ITGB3: variants seen among roughly 807,000 people sequenced by gnomAD.
ITGB3 encodes integrin beta-3.
A neutral mutation model predicts 85.8 loss-of-function variants in ITGB3; 48 were observed. The ratio of observed to expected loss-of-function variants is 0.56; its 90% confidence interval spans 0.44 to 0.71. ITGB3 has a LOEUF of 0.71. Among genes scored for constraint, ITGB3 ranks in the 30% least tolerant of loss-of-function variants. The pLI, the probability that ITGB3 is intolerant of heterozygous loss-of-function variation, is 0.00. For synonymous variants in ITGB3, 363 were observed against 395.6 expected (o/e 0.92, Z 0.98); for missense variants, 861 against 1,019.1 (o/e 0.84, Z 2.11).
At chr17:47,255,365 ACT>A (rs2053847546) in intron 1 of ITGB3, among the ~76,000 whole-genome samples, 1 of 151,802 alleles carries the variant, frequency 6.6e-6, no homozygotes, top group African/African-American at 2.4e-5. Context: ...TCCCGTCAAG[ACT>A]CTTCTGTGTA....
intron 1 of ITGB3, among the ~76,000 whole-genome samples, chr17:47,266,936 C>G (rs1408121633): frequency 6.6e-6 from 1 of 152,142 alleles, no homozygotes; most frequent in East Asian, 1.9e-4. Flanking sequence ...ACATTTCACC[C>G]TGGTGTGATA....
chr17:47,288,296 AAGGGCC>A (rs2065111974), intron 6 of ITGB3, among the ~76,000 whole-genome samples: 1 of 152,030 alleles, frequency 6.6e-6, no homozygotes, highest in African/African-American at 2.4e-5. Context: ...GGAAAGATTA[AAGGGCC>A]AGAGTCATTT....
At chr17:47,263,146 C>T (rs779169186) in intron 1 of ITGB3, among the ~76,000 whole-genome samples, 1 of 152,174 alleles carries the variant, frequency 6.6e-6, no homozygotes, top group Non-Finnish European at 1.5e-5. Context: ...TTTCCTGCTG[C>T]TTTGCATGCT....
At position 47,299,329 on chromosome 17, in the gene ITGB3, G is replaced by A. The variant is rs1337992083; in HGVS notation, c.1712G>A (p.Gly571Glu). The A allele has an allele frequency of 6.2e-7, 1 of 1,614,086 alleles. No individual in the cohort carries two copies. Among genetic ancestry groups the A allele is most frequent in the Admixed American group, 1.7e-5 (1 of 60,028 alleles). ...MCSGHGQCSC[G>E]DCLCDSDWTG... is the part of the protein sequence containing the mutation. ...TCAGGCCATGGCCAGTGCAGCTGTG[G>A]GGACTGCCTGTGTGACTCCGACTGG... The change falls in exon 11 of 15, where the codon GGG (glycine) becomes GAG (glutamate). Residue 571 changes from glycine (G) to glutamate (E), a missense_variant. Physicochemically the swap from Gly to Glu is moderately conservative, Grantham distance 98 (BLOSUM62 -2). Transcript: ENST00000559488. The surrounding 1 kb of genome is among the most constrained non-coding windows in gnomAD (Gnocchi z 5.1).
Position 47,270,727 on chromosome 17 carries a change from A to C in ITGB3, c.80-3692A>C, listed in dbSNP as rs529411593. Among the ~76,000 whole-genome samples the C allele has an allele frequency of 1.1e-4, 17 of 152,330 alleles. No homozygotes were observed. The South Asian group carries it at 3.3e-3, about 30-fold the overall frequency. ...AGCCCCAGAGGTTATTCATGGGCTC[A>C]TAAAGGCATCCCACTTGTAGAATTT... On this transcript the variant is annotated intron_variant, in intron 1 of 14. Transcript: ENST00000559488.
chr17:47,269,283 C>G (rs1260042151), intron 1 of ITGB3, among the ~76,000 whole-genome samples: 3 of 152,218 alleles, frequency 2.0e-5, no homozygotes, highest in Non-Finnish European at 1.5e-5. Context: ...CTCCTCGTTA[C>G]TTATTTCTGC....
At chr17:47,273,552 C>T (rs372573429) in intron 1 of ITGB3, among the ~76,000 whole-genome samples, 2 of 152,214 alleles carry the variant, frequency 1.3e-5, no homozygotes, top group East Asian at 3.8e-4. Flanking sequence ...TGCTCCTCCT[C>T]GTAGCCTTTG....
chr17:47,300,004 C>G (rs2065160185), intron 11 of ITGB3, among the ~76,000 whole-genome samples: 1 of 152,216 alleles, frequency 6.6e-6, no homozygotes. Flanking sequence ...AGTGTGCAAC[C>G]TATGCAGCTG....
At position 47,289,358 on chromosome 17, in the gene ITGB3, C is replaced by G. The variant is rs928629454; in HGVS notation, c.940-323C>G. On this transcript the variant is annotated intron_variant, in intron 6 of 14. Transcript: ENST00000559488. ...TTTTTTTTTTAGAGACAGAGTCTTG[C>G]TCTGCTGCCCAGGCTGGAGTGCAGT... Among the ~76,000 whole-genome samples the G allele has an allele frequency of 5.9e-5, 9 of 152,000 alleles. No individual in the cohort carries two copies. The East Asian group carries it at 1.7e-3, about 29-fold the overall frequency.
chr17:47,300,830 C>A (rs532413012), intron 12 of ITGB3, among the ~76,000 whole-genome samples: 2 of 152,270 alleles, frequency 1.3e-5, no homozygotes, highest in Admixed American at 6.5e-5. Context: ...CAAGAGCCTG[C>A]AAAGCAAAGG....
chr17:47,283,631 G>A, intron 3 of ITGB3, 82 bp downstream of exon 3: 15 of 1,355,930 alleles, frequency 1.1e-5, no homozygotes, highest in Non-Finnish European at 1.6e-5. Flanking sequence ...AGGAAGTCTT[G>A]GGGAAGTAGC....
Position 47,253,924 on chromosome 17 carries a change from G to C in ITGB3, c.63G>C (p.Ala21=). The C allele has an allele frequency of 1.4e-6, 2 of 1,415,718 alleles. No individual in the cohort carries two copies. Among genetic ancestry groups the C allele is most frequent in the Non-Finnish European group, 1.9e-6 (2 of 1,078,894 alleles). The allele number at this position is 1,415,718 out of a possible 1,614,324, so 87.7% of individuals were successfully genotyped here. Residue 21 remains alanine (A), a synonymous_variant, in exon 1 of 15, where the codon GCG becomes GCC. Coordinates refer to ENST00000559488, the MANE Select transcript of ITGB3 (RefSeq NM_000212.3). The stretch of plus-strand genomic sequence containing the variant: ...CTGTGCTGGCGCTGGGGGCGCTGGC[G>C]GGCGTTGGCGTAGGAGGTGAGTGAG... The part of the protein sequence containing the change: ...WATVLALGAL[A]GVGVGGPNIC...
At chr17:47,261,602 C>T (rs1042782086) in intron 1 of ITGB3, among the ~76,000 whole-genome samples, 6 of 151,568 alleles carry the variant, frequency 4.0e-5, no homozygotes, top group Non-Finnish European at 5.9e-5. Flanking sequence ...TCACTGCAAC[C>T]TCCGCCTCCT....
chr17:47,301,554 T>C (rs1401500824), intron 12 of ITGB3, among the ~76,000 whole-genome samples: 1 of 151,322 alleles, frequency 6.6e-6, no homozygotes, highest in Non-Finnish European at 1.5e-5. Context: ...GCTGCTGAGA[T>C]ATTATTTTTA....
chr17:47,277,046 G>C (rs1183836199), intron 2 of ITGB3, among the ~76,000 whole-genome samples: 1 of 152,132 alleles, frequency 6.6e-6, no homozygotes, highest in African/African-American at 2.4e-5. Context: ...GGCTGGGTAA[G>C]AGGAAAACAG....
intron 1 of ITGB3, among the ~76,000 whole-genome samples, chr17:47,268,959 G>A (rs575936787): frequency 6.6e-6 from 1 of 152,338 alleles, no homozygotes; most frequent in South Asian, 2.1e-4. Flanking sequence ...TCTAGGCAGA[G>A]GTTCCCAAAC....
In ITGB3 at chr17:47,300,565, A is replaced by C; in HGVS notation, c.2001A>C (p.Ser667=). ...CNRYCRDEIE[S]VKELKDTGKD... is the part of the protein sequence containing the mutation. ...GTTACTGCCGTGACGAGATTGAGTC[A>C]GTGAAAGAGCTTAGTAAGTTCAGCA... The change falls in exon 12 of 15, where the codon TCA becomes TCC. Residue 667 remains serine (S), a synonymous_variant. Transcript: ENST00000559488. The C allele has an allele frequency of 6.2e-7, 1 of 1,613,740 alleles. No individual in the cohort carries two copies.
Position 47,284,581 on chromosome 17 carries a change from A to G in ITGB3, c.500A>G (p.Gln167Arg). ...AACCTGGGTACCAAGCTGGCCACCC[A>G]GATGCGAAAGCTCACCAGTAACCTG... ...IQNLGTKLATQMRKLTSNLRI... is the reference protein window; with the variant it reads ...IQNLGTKLATRMRKLTSNLRI... The change falls in exon 4 of 15, where the codon CAG becomes CGG. Residue 167 changes from glutamine (Q) to arginine (R), a missense_variant. Physicochemically the swap from Gln to Arg is conservative, Grantham distance 43. Coordinates refer to ENST00000559488, the MANE Select transcript of ITGB3 (RefSeq NM_000212.3). 6.2e-7 allele frequency: 1 copy of G among 1,614,200 alleles called. No homozygotes were observed. Among genetic ancestry groups the G allele is most frequent in the Non-Finnish European group, 8.5e-7 (1 of 1,180,038 alleles).
chr17:47,300,777 G>A (rs1054271399), intron 12 of ITGB3, among the ~76,000 whole-genome samples, 199 bp downstream of exon 12: 6 of 152,184 alleles, frequency 3.9e-5, no homozygotes, highest in African/African-American at 1.4e-4. Context: ...ACTAGTGTGT[G>A]CAGCCATCCA....
Sources: allele counts gnomAD v4.1 joint callset (sites outside exome capture counted in the v4.1 genomes callset), GRCh38; gene constraint gnomAD v4.1.1; non-coding constraint Gnocchi (gnomAD v3.1); transcripts MANE v1.5; gene names NCBI Gene and HGNC (gene_info 2026-07-23, HGNC 2026-07-21).